Variants in SF3A3 observed in about 807,000 individuals in gnomAD.
The protein encoded by SF3A3 is splicing factor 3a subunit 3, also known as SAP 61.
A neutral mutation model predicts 85.8 loss-of-function variants in SF3A3; 9 were observed. The ratio of observed to expected loss-of-function variants is 0.10; its 90% confidence interval spans 0.06 to 0.18. SF3A3 has a LOEUF of 0.18. Among genes scored for constraint, SF3A3 ranks in the 10% least tolerant of loss-of-function variants. SF3A3 has a pLI of 1.00. For synonymous variants in SF3A3, 195 were observed against 204.4 expected, an observed-to-expected ratio of 0.95 and a Z score of 0.39; for missense variants, 306 against 593.3, an observed-to-expected ratio of 0.52 and a Z score of 5.03.
At chr1:37,974,746 C>T (rs1434492262) in intron 12 of SF3A3, among the ~76,000 whole-genome samples, 2 of 152,318 alleles carry the variant, frequency 1.3e-5, no homozygotes, top group East Asian at 3.9e-4. Flanking sequence ...CTTCCTACTG[C>T]TTATAAGGCA....
chr1:37,983,317 C>A (rs1226220061), intron 6 of SF3A3, among the ~76,000 whole-genome samples: 1 of 149,888 alleles, frequency 6.7e-6, no homozygotes, highest in African/African-American at 2.5e-5. Flanking sequence ...GATGCAGTGG[C>A]TTCCGTCTAT....
chr1:37,987,650 A>T lies in SF3A3; in HGVS notation c.226T>A (p.Ser76Thr). 1 of 1,614,132 alleles carries T rather than the reference A, an allele frequency of 6.2e-7. No individual in the cohort carries two copies. The highest frequency in any genetic ancestry group is 2.2e-5 in the East Asian group (1 of 44,890). Reference protein sequence around the residue: ...GLRKEELNAISGPNEFAEFYN... With the variant: ...GLRKEELNAITGPNEFAEFYN... ...AATTCAGCAAACTCATTGGGTCCTG[A>T]AATGGCATTGAGCTCCTCCTTTCGT... The change falls in exon 4 of 17, where the codon TCA (serine) becomes ACA (threonine). Residue 76 changes from serine to threonine, a missense_variant. Physicochemically the swap from Ser to Thr is moderately conservative, Grantham distance 58 (BLOSUM62 1). Transcript: ENST00000373019.
intron 6 of SF3A3, 57 bp downstream of exon 6, chr1:37,984,112 C>A (rs1646439101): frequency 1.1e-6 from 1 of 904,910 alleles, no homozygotes; most frequent in South Asian, 1.4e-5. Context: ...TAGTTCCAGC[C>A]TACTGTCCTG....
chr1:37,983,586 C>CAAAAAAAAAAAAAAAAAAAA lies in SF3A3; in HGVS notation c.468+563_468+582dup, dbSNP rs371317065. On this transcript the variant is annotated intron_variant, in intron 6 of 16. Transcript: ENST00000373019. ...TGGGTGACAAAGTGAGACCCTGTCT[C>CAAAAAAAAAAAAAAAAAAAA]AAAAAAAAAAAAAAAAAAAAAAGAT... Among the ~76,000 whole-genome samples, 128 of 38,458 alleles carry CAAAAAAAAAAAAAAAAAAAA rather than the reference C, an allele frequency of 3.3e-3. 22 individuals are homozygous for CAAAAAAAAAAAAAAAAAAAA. Among genetic ancestry groups the CAAAAAAAAAAAAAAAAAAAA allele is most frequent in the East Asian group, 0.014 (5 of 360 alleles). 25.2% of individuals were successfully genotyped at this position (38,458 alleles called of 152,430 possible).
intron 15 of SF3A3, among the ~76,000 whole-genome samples, chr1:37,964,309 T>C (rs1178088779): frequency 6.6e-6 from 1 of 151,834 alleles, no homozygotes; most frequent in Admixed American, 6.6e-5. Context: ...AGTAAGGCGT[T>C]GTGGAAAGAG....
chr1:37,967,957 C>T, intron 15 of SF3A3, 87 bp downstream of exon 15: 1 of 782,420 alleles, frequency 1.3e-6, no homozygotes, highest in South Asian at 1.4e-5. Flanking sequence ...TGCCTTTAAC[C>T]CTGGATACAC....
intron 4 of SF3A3, 104 bp downstream of exon 4, chr1:37,987,469 T>G: frequency 1.2e-6 from 1 of 823,106 alleles, no homozygotes; most frequent in Non-Finnish European, 2.0e-6. Context: ...TGGCAAGTTC[T>G]TTCTTGAAGT....
At position 37,987,610 on chromosome 1, in the gene SF3A3, T is replaced by C. The variant is rs777670809; in HGVS notation, c.266A>G (p.Lys89Arg). 2 of 1,614,134 alleles carry C rather than the reference T, an allele frequency of 1.2e-6. No homozygotes were observed. The highest frequency in any genetic ancestry group is 1.1e-5 in the South Asian group (1 of 91,078). ...CTTCCGGTGGAATTCCTTTATTTGC[T>C]TGAGTCTATTATAGAATTCAGCAAA... ...NEFAEFYNRL[K>R]QIKEFHRKHP... Residue 89 changes from lysine to arginine, a missense_variant, in exon 4 of 17, where the codon AAG becomes AGG. Physicochemically the swap from Lys to Arg is conservative, Grantham distance 26. Around this residue, in one of 4 missense-constraint regions of SF3A3, gnomAD observed 152 missense variants for 192.0 expected, o/e 0.79. Coordinates refer to ENST00000373019, the MANE Select transcript of SF3A3 (RefSeq NM_006802.4).
At chr1:37,985,241 T>TC (rs1646447874) in intron 4 of SF3A3, among the ~76,000 whole-genome samples, 1 of 152,252 alleles carries the variant, frequency 6.6e-6, no homozygotes, top group African/African-American at 2.4e-5. Flanking sequence ...ACCTTGTTTT[T>TC]CCCCGCTTTT....
At chr1:37,979,836 G>A (rs1223640480) in intron 8 of SF3A3, among the ~76,000 whole-genome samples, 1 of 151,862 alleles carries the variant, frequency 6.6e-6, no homozygotes, top group African/African-American at 2.4e-5. Context: ...CTTCAGCCTA[G>A]AAGCCAGATG....
chr1:37,986,335 T>G lies in SF3A3; in HGVS notation c.303+1238A>C, dbSNP rs138866489. Among the ~76,000 whole-genome samples the G allele has an allele frequency of 1.9e-3, 284 of 152,324 alleles. 6 individuals are homozygous for G. The East Asian group carries it at 0.045, about 24-fold the overall frequency. ...CTTGTGACCAGATTTCCATTCATAC[T>G]ACTTTAATGAAGCAGCAATCCTGGC... On this transcript the variant is annotated intron_variant, in intron 4 of 16. Transcript: ENST00000373019.
chr1:37,962,683 G>A (rs545025229), intron 15 of SF3A3, among the ~76,000 whole-genome samples: 4 of 151,084 alleles, frequency 2.6e-5, no homozygotes, highest in African/African-American at 9.7e-5. Context: ...CAATTTCAGA[G>A]GGCTCTTTCT....
Position 37,989,930 on chromosome 1 carries a change from A to C in SF3A3, c.36T>G (p.His12Gln). 6.2e-7 allele frequency: 1 copy of C among 1,613,362 alleles called. No individual in the cohort carries two copies. The highest frequency in any genetic ancestry group is 8.5e-7 in the Non-Finnish European group (1 of 1,179,914). Reference sequence around the variant, plus strand: ...CGTCCATGAGCCGTTCCTTCTCCTCATGATAGCGCCGCTGCTGCTCCAGTA... The same window carrying C: ...CGTCCATGAGCCGTTCCTTCTCCTCCTGATAGCGCCGCTGCTGCTCCAGTA... ...ETILEQQRRY[H>Q]EEKERLMDVM... is the part of the protein sequence containing the mutation. The change falls in exon 1 of 17, where the codon CAT becomes CAG. Residue 12 changes from histidine (H) to glutamine (Q), a missense_variant. By Grantham distance (24) the His-to-Gln change is conservative (BLOSUM62 0). Coordinates refer to ENST00000373019, the MANE Select transcript of SF3A3 (RefSeq NM_006802.4).
intron 15 of SF3A3, among the ~76,000 whole-genome samples, chr1:37,966,961 A>AT (rs1646305233): frequency 7.5e-6 from 1 of 132,588 alleles, no homozygotes; most frequent in South Asian, 2.5e-4. Context: ...AAAAAAAAAA[A>AT]TGCAATAATT....
At chr1:37,966,801 G>A (rs1438919809) in intron 15 of SF3A3, among the ~76,000 whole-genome samples, 1 of 151,078 alleles carries the variant, frequency 6.6e-6, no homozygotes, top group Admixed American at 6.6e-5. Flanking sequence ...CAGGCATGGT[G>A]GCGCATACTT....
chr1:37,976,441 T>G (rs963544954), intron 12 of SF3A3, among the ~76,000 whole-genome samples: 2 of 152,280 alleles, frequency 1.3e-5, no homozygotes, highest in East Asian at 3.9e-4. Context: ...CTAGCCCTAC[T>G]AAGTTTCTCA....
At chr1:37,989,797 G>A in intron 1 of SF3A3, 73 bp downstream of exon 1, 2 of 1,351,458 alleles carry the variant, frequency 1.5e-6, no homozygotes, top group Non-Finnish European at 1.1e-6. Context: ...GAGGGCCAAA[G>A]CAAGCTCTCA....
intron 9 of SF3A3, 179 bp from the exon 10 acceptor site, chr1:37,979,234 A>G (rs1056375999): frequency 4.8e-6 from 3 of 627,792 alleles, no homozygotes; most frequent in African/African-American, 1.8e-5. Flanking sequence ...AGACTTAACC[A>G]TACTGATAGT....
At chr1:37,987,716 A>T (rs750353926) in intron 3 of SF3A3, 38 bp from the exon 4 acceptor site, 1 of 1,602,776 alleles carries the variant, frequency 6.2e-7, no homozygotes, top group South Asian at 1.1e-5. Flanking sequence ...GATAGAGCAC[A>T]AAGTCAGTCC....
Sources: allele counts gnomAD v4.1 joint callset (sites outside exome capture counted in the v4.1 genomes callset), GRCh38; gene constraint gnomAD v4.1.1; regional missense constraint gnomAD v4.1.1; transcripts MANE v1.5; gene names NCBI Gene and HGNC (gene_info 2026-07-23, HGNC 2026-07-21).